Variants in PRUNE2 observed in about 807,000 individuals in gnomAD.
PRUNE2 encodes prune homolog 2 with BCH domain, also known as protein prune homolog 2.
In PRUNE2, 164 loss-of-function variants were observed where a neutral mutation model predicts 252.0. The observed-to-expected ratio is 0.65, with a 90% CI of 0.57 to 0.74. The LOEUF (loss-of-function observed/expected upper bound fraction) is 0.74. PRUNE2 is among the 30% of genes least tolerant of loss of function. The pLI, the probability that PRUNE2 is intolerant of heterozygous loss-of-function variation, is 0.00. For missense variants in PRUNE2, 3,495 were observed against 3,711.0 expected, an observed-to-expected ratio of 0.94 and a Z score of 1.51; for synonymous variants, 1,292 against 1,350.2, an observed-to-expected ratio of 0.96 and a Z score of 0.94.
chr9:76,875,816 T>A (rs895187322), intron 1 of PRUNE2, among the ~76,000 whole-genome samples: 1 of 152,220 alleles, frequency 6.6e-6, no homozygotes, highest in African/African-American at 2.4e-5. Context: ...CTGCTATCCA[T>A]CCTTTCTTCC....
intron 9 of PRUNE2, among the ~76,000 whole-genome samples, chr9:76,689,277 A>G (rs904808404): frequency 6.6e-6 from 1 of 152,220 alleles, no homozygotes; most frequent in African/African-American, 2.4e-5. Context: ...TAAATGAATT[A>G]GGAAATGCCA....
chr9:76,677,398 C>T (rs374242759), intron 9 of PRUNE2, among the ~76,000 whole-genome samples: 10 of 152,176 alleles, frequency 6.6e-5, no homozygotes, highest in African/African-American at 2.4e-4. Flanking sequence ...AAATTAGCAT[C>T]GTTTTTGATA....
intron 1 of PRUNE2, among the ~76,000 whole-genome samples, chr9:76,867,678 C>T (rs773751268): frequency 2.0e-5 from 3 of 152,182 alleles, no homozygotes; most frequent in Non-Finnish European, 4.4e-5. Context: ...AAGTGATTCT[C>T]CTGCCTCAGC....
chr9:76,904,543 T>C (rs1242726151), intron 1 of PRUNE2, among the ~76,000 whole-genome samples: 1 of 152,236 alleles, frequency 6.6e-6, no homozygotes, highest in East Asian at 1.9e-4. Flanking sequence ...ACATTTCTCC[T>C]TCATTACTAG....
chr9:76,805,446 C>A (rs536652868), intron 6 of PRUNE2, among the ~76,000 whole-genome samples: 15 of 152,202 alleles, frequency 9.9e-5, no homozygotes, highest in African/African-American at 3.4e-4. Context: ...CATAGGGAGA[C>A]CTCATCCCTA....
chr9:76,667,125 T>C (rs2040357711), intron 9 of PRUNE2, among the ~76,000 whole-genome samples: 1 of 152,190 alleles, frequency 6.6e-6, no homozygotes, highest in South Asian at 2.1e-4. Context: ...TTTAGAAATA[T>C]AGGTGATGCT....
chr9:76,879,903 ATTTT>A (rs71354691), intron 1 of PRUNE2, among the ~76,000 whole-genome samples: 64 of 30,920 alleles, frequency 2.1e-3, no homozygotes, highest in African/African-American at 9.5e-3. Context: ...ATATATATAT[ATTTT>A]TTTTTTTTTT....
At chr9:76,745,553 C>T (rs1207684157) in intron 6 of PRUNE2, among the ~76,000 whole-genome samples, 1 of 152,140 alleles carries the variant, frequency 6.6e-6, no homozygotes, top group Non-Finnish European at 1.5e-5. Context: ...ATGTCCCACA[C>T]CTCTATGATT....
At chr9:76,673,904 T>G (rs1172771314) in intron 9 of PRUNE2, among the ~76,000 whole-genome samples, 2 of 152,140 alleles carry the variant, frequency 1.3e-5, no homozygotes, top group Non-Finnish European at 2.9e-5. Flanking sequence ...GGGACATATT[T>G]CAAAATAATA....
intron 1 of PRUNE2, among the ~76,000 whole-genome samples, chr9:76,889,773 C>T (rs997140894): frequency 1.3e-5 from 2 of 152,222 alleles, no homozygotes; most frequent in Non-Finnish European, 2.9e-5. Flanking sequence ...GCACCTTCTC[C>T]CAGCTGTGCA....
intron 1 of PRUNE2, among the ~76,000 whole-genome samples, chr9:76,855,566 G>T (rs1253188815): frequency 1.3e-5 from 2 of 152,164 alleles, no homozygotes; most frequent in South Asian, 2.1e-4. Context: ...AAACGCAATA[G>T]GTTGTGGCTC....
chr9:76,860,333 T>C (rs769930933), intron 1 of PRUNE2, among the ~76,000 whole-genome samples: 1 of 152,216 alleles, frequency 6.6e-6, no homozygotes, highest in African/African-American at 2.4e-5. Context: ...CTTAGCAAAG[T>C]TCAAGCCCTT....
chr9:76,823,647 C>T lies in PRUNE2; in HGVS notation c.741G>A (p.Val247=). 1 of 1,605,456 alleles carries T rather than the reference C, an allele frequency of 6.2e-7. No individual in the cohort carries two copies. Among genetic ancestry groups the T allele is most frequent in the East Asian group, 2.2e-5 (1 of 44,820 alleles). The change falls in exon 6 of 19, where the codon GTG becomes GTA. Residue 247 remains valine (V), a synonymous_variant. Coordinates refer to ENST00000376718, the MANE Select transcript of PRUNE2 (RefSeq NM_015225.3). The stretch of plus-strand genomic sequence containing the variant: ...CCACCCTTACCTCAAGGTTCATGCT[C>T]ACAGTACTAATGGCCACTTTTATTT... ...DGEIKVAIST[V]SMNLENCLFH... is the part of the protein sequence containing the mutation.
At chr9:76,837,508 G>C (rs1304969337) in intron 4 of PRUNE2, among the ~76,000 whole-genome samples, 1 of 146,668 alleles carries the variant, frequency 6.8e-6, no homozygotes, top group Admixed American at 6.9e-5. Context: ...CACTGATTGA[G>C]GAGCAGGAAG....
chr9:76,881,635 T>TC (rs201654175), intron 1 of PRUNE2, among the ~76,000 whole-genome samples: 1,906 of 150,114 alleles, frequency 0.013, 36 homozygotes, highest in African/African-American at 0.044. Flanking sequence ...TTTTTTTTTT[T>TC]CCCCAAGATG....
intron 17 of PRUNE2, among the ~76,000 whole-genome samples, chr9:76,621,850 T>TA (rs201316379): frequency 1.5e-4 from 23 of 151,902 alleles, no homozygotes; most frequent in African/African-American, 4.8e-4. Flanking sequence ...CTTGGCTAAT[T>TA]AAAAAAATTT....
At chr9:76,875,616 G>A (rs1452591569) in intron 1 of PRUNE2, among the ~76,000 whole-genome samples, 3 of 152,054 alleles carry the variant, frequency 2.0e-5, no homozygotes, top group African/African-American at 7.2e-5. Context: ...TGCCCGCCTT[G>A]GCCTCCCAAA....
At chr9:76,774,522 G>A (rs1589150421) in intron 6 of PRUNE2, among the ~76,000 whole-genome samples, 1 of 137,664 alleles carries the variant, frequency 7.3e-6, no homozygotes, top group African/African-American at 2.8e-5. Flanking sequence ...GCAGTGGCAC[G>A]ATCTCGGCTC....
At chr9:76,888,012 T>G (rs546964785) in intron 1 of PRUNE2, among the ~76,000 whole-genome samples, 1 of 152,068 alleles carries the variant, frequency 6.6e-6, no homozygotes, top group East Asian at 1.9e-4. Context: ...GAATTCTGTG[T>G]TAAGGGAAAA....
Sources: allele counts gnomAD v4.1 joint callset (sites outside exome capture counted in the v4.1 genomes callset), GRCh38; gene constraint gnomAD v4.1.1; transcripts MANE v1.5; gene names NCBI Gene and HGNC (gene_info 2026-07-23, HGNC 2026-07-21).